The following LHX8 variants were observed in gnomAD, a reference collection of about 807,000 sequenced individuals.
LHX8 encodes the protein LIM homeobox 8.
LHX8 carries 12 observed loss-of-function variants against 40.3 expected under a neutral mutation model. The observed-to-expected ratio is 0.30, with a 90% CI of 0.19 to 0.48. The LOEUF (loss-of-function observed/expected upper bound fraction) is 0.48. Among genes scored for constraint, LHX8 ranks in the 20% least tolerant of loss-of-function variants. The probability of loss-of-function intolerance (pLI) is 0.99; values close to 1 mark genes in which losing one functional copy is unlikely to be tolerated. For missense variants in LHX8, 344 were observed against 433.7 expected, an observed-to-expected ratio of 0.79 and a Z score of 1.84; for synonymous variants, 179 against 162.0, an observed-to-expected ratio of 1.10 and a Z score of -0.80.
chr1:75,141,182 C>A, intron 4 of LHX8, 76 bp downstream of exon 4: 1 of 1,510,266 alleles, frequency 6.6e-7, no homozygotes, highest in South Asian at 1.1e-5. Context: ...TAGGCTTTTT[C>A]TTGTTCAGTT....
intron 3 of LHX8, among the ~76,000 whole-genome samples, chr1:75,139,495 C>T (rs776860994): frequency 4.6e-5 from 7 of 152,060 alleles, no homozygotes; most frequent in Non-Finnish European, 8.8e-5. Context: ...ACAGAAGGCC[C>T]TAAACAGTGG....
intron 8 of LHX8, chr1:75,159,272 G>A (rs535011149): frequency 6.6e-5 from 10 of 152,032 alleles, no homozygotes; most frequent in East Asian, 1.9e-4. Context: ...TTGCTCCTTC[G>A]AAAATAAACG....
At chr1:75,140,929 A>G in intron 3 of LHX8, 56 bp from the exon 4 acceptor site, 4 of 1,594,548 alleles carry the variant, frequency 2.5e-6, no homozygotes, top group Non-Finnish European at 1.7e-6. Context: ...AATACACAAA[A>G]CCAATGAATA....
chr1:75,136,528 C>G, intron 1 of LHX8, 75 bp from the exon 2 acceptor site: 1 of 1,139,276 alleles, frequency 8.8e-7, no homozygotes, highest in Admixed American at 2.0e-5. Context: ...GCTCCCCGCG[C>G]CGAGGCTGGG....
chr1:75,195,641 A>G, the LHX8 span, among the ~76,000 whole-genome samples: 6 of 152,018 alleles, frequency 3.9e-5, no homozygotes, highest in African/African-American at 1.2e-4. Flanking sequence ...CTATACTTTG[A>G]GACCTAATCT....
chr1:75,130,991 C>T (rs1235421767), upstream of LHX8: 2 of 572,478 alleles, frequency 3.5e-6, no homozygotes, highest in Non-Finnish European at 6.4e-6. Context: ...CCGCCTCCTA[C>T]AGTCCTATGG....
upstream of LHX8, among the ~76,000 whole-genome samples, chr1:75,129,604 C>T (rs142258929): frequency 7.2e-4 from 109 of 152,298 alleles, no homozygotes; most frequent in Non-Finnish European, 1.0e-3. Flanking sequence ...AAATGTCATC[C>T]AAGCCTGTGA....
At chr1:75,156,789 G>A in intron 7 of LHX8, 104 bp from the exon 8 acceptor site, 1 of 983,110 alleles carries the variant, frequency 1.0e-6, no homozygotes, top group Non-Finnish European at 1.6e-6. Context: ...CGGTGCTTGT[G>A]TGGTAGTGTG....
intron 6 of LHX8, among the ~76,000 whole-genome samples, chr1:75,144,688 T>G (rs756675510): frequency 6.6e-6 from 1 of 152,138 alleles, no homozygotes; most frequent in Non-Finnish European, 1.5e-5. Context: ...TTTTTGCAGA[T>G]AATGAAATCA....
rs774373356 is a variant in LHX8 at position 75,137,051 on chromosome 1, G to T, written c.76-49G>T. 3.7e-5 allele frequency: 57 copies of T among 1,545,776 alleles called. 1 individual carries two copies. In the South Asian group the frequency reaches 7.0e-4, roughly 19 times the overall value. On this transcript the variant is annotated intron_variant, in intron 2 of 8. Coordinates refer to ENST00000356261, the MANE Select transcript of LHX8 (RefSeq NM_001256114.2). ...GCGCCCTTGTGGGTAGGTGGGATGC[G>T]AAGGGGAGGAGGGGTCTAGAACCGC...
chr1:75,198,404 A>G, the LHX8 span, among the ~76,000 whole-genome samples: 1 of 152,206 alleles, frequency 6.6e-6, no homozygotes, highest in Non-Finnish European at 1.5e-5. Context: ...AATGACTAAC[A>G]GGCATTGCCC....
At chr1:75,149,795 C>A (rs1320572509) in intron 7 of LHX8, among the ~76,000 whole-genome samples, 2 of 152,178 alleles carry the variant, frequency 1.3e-5, no homozygotes, top group East Asian at 3.9e-4. Flanking sequence ...AATCCTCCTC[C>A]CTTGGCCTCC....
At chr1:75,173,611 T>C in the LHX8 span, among the ~76,000 whole-genome samples, 3 of 152,034 alleles carry the variant, frequency 2.0e-5, no homozygotes, top group African/African-American at 4.8e-5. Flanking sequence ...CTCGATCTCG[T>C]GACCTCGTGA....
upstream of LHX8, chr1:75,130,446 C>T: frequency 1.8e-6 from 1 of 569,750 alleles, no homozygotes. Context: ...AAGGCAGGGT[C>T]TGCCCGCCAG....
chr1:75,156,234 GTT>G (rs869044316), intron 7 of LHX8, among the ~76,000 whole-genome samples: 4 of 124,058 alleles, frequency 3.2e-5, no homozygotes, highest in African/African-American at 1.1e-4. Context: ...TGTTGTTGTT[GTT>G]TTGTTTTGTT....
At position 75,140,981 on chromosome 1, in the gene LHX8, A is replaced by G. The variant is rs1053355881; in HGVS notation, c.238-4A>G. 13 of 1,613,360 alleles carry G rather than the reference A, an allele frequency of 8.1e-6. No individual in the cohort carries two copies. The highest frequency in any genetic ancestry group is 1.6e-4 in the Middle Eastern group (1 of 6,080). ...TATTACAATGGCTTCTCTTCCCTTCACAGGTGAATGACCTATGCTGGCATG... is the reference window on the plus strand; with the variant it reads ...TATTACAATGGCTTCTCTTCCCTTCGCAGGTGAATGACCTATGCTGGCATG... On this transcript the variant is annotated splice_polypyrimidine_tract_variant and splice_region_variant and intron_variant, in intron 3 of 8. Coordinates refer to ENST00000356261, the MANE Select transcript of LHX8 (RefSeq NM_001256114.2).
chr1:75,160,309 A>G (rs1414638468), intron 8 of LHX8: 1 of 153,318 alleles, frequency 6.5e-6, no homozygotes, highest in Non-Finnish European at 1.5e-5. Flanking sequence ...AGTTTTGGTT[A>G]GATAAAAAAT....
At chr1:75,153,095 C>CT (rs982991453) in intron 7 of LHX8, among the ~76,000 whole-genome samples, 93 of 150,620 alleles carry the variant, frequency 6.2e-4, no homozygotes, top group African/African-American at 2.0e-3. Flanking sequence ...TAGTTTTGGC[C>CT]TTTTTTTTTG....
the LHX8 span, among the ~76,000 whole-genome samples, chr1:75,173,953 G>T: frequency 1.3e-5 from 2 of 151,756 alleles, no homozygotes; most frequent in African/African-American, 4.8e-5. Context: ...AAACATTTTT[G>T]CACCAAAGGA....
Sources: gnomAD v4.1 joint callset for allele counts (sites outside exome capture counted in the v4.1 genomes callset) on GRCh38, gnomAD v4.1.1 for gene constraint, MANE v1.5 for transcripts, NCBI Gene and HGNC (gene_info 2026-07-23, HGNC 2026-07-21) for gene names.